Variants in TRPM3 observed in about 807,000 individuals in gnomAD.
TRPM3 encodes the protein long transient receptor potential channel 3.
A neutral mutation model predicts 181.2 loss-of-function variants in TRPM3; 77 were observed. The ratio of observed to expected loss-of-function variants is 0.42; its 90% CI spans 0.35 to 0.51. TRPM3 has a LOEUF of 0.51. TRPM3 is among the 20% of genes least tolerant of loss of function. TRPM3 has a pLI of 0.01. For synonymous variants in TRPM3, 745 were observed against 796.4 expected (o/e 0.94, Z 1.09); for missense variants, 1,759 against 2,196.7 (o/e 0.80, Z 3.98).
intron 1 of TRPM3, among the ~76,000 whole-genome samples, chr9:71,229,195 G>A (rs2080886365): frequency 6.6e-6 from 1 of 152,010 alleles, no homozygotes; most frequent in Admixed American, 6.6e-5. Flanking sequence ...TTTGACAAAG[G>A]TGCCAAATGC....
In TRPM3 at chr9:70,537,152, A is replaced by G. The variant is rs779647868; in HGVS notation, c.3961T>C (p.Phe1321Leu). The G allele has an allele frequency of 1.3e-6, 2 of 1,590,204 alleles. No homozygotes were observed. The highest frequency in any genetic ancestry group is 4.5e-5 in the East Asian group (2 of 44,260). The stretch of plus-strand genomic sequence containing the variant: ...GGGTCTATACTCTCTTGGAGCTTGA[A>G]GGTGTTCCCTTCCTGGCTGTTGAAG... ...SSFNSQEGNT[F>L]KLQESIDPAG... Residue 1321 changes from phenylalanine to leucine, a missense_variant, in exon 26 of 26, where the codon TTC becomes CTC. Around this residue, in one of 8 missense-constraint regions of TRPM3, gnomAD observed 612 missense variants for 590.0 expected, o/e 1.04. Coordinates refer to ENST00000677713, the MANE Select transcript of TRPM3 (RefSeq NM_001366145.2).
At chr9:71,170,000 CAAAAAAAAAAA>C (rs34087746) in intron 1 of TRPM3, among the ~76,000 whole-genome samples, 1 of 77,166 alleles carries the variant, frequency 1.3e-5, no homozygotes, top group African/African-American at 4.9e-5. Context: ...GACTCTGTCT[CAAAAAAAAAAA>C]AAAAAAAAAA....
chr9:71,170,938 G>A (rs1355040999), intron 1 of TRPM3, among the ~76,000 whole-genome samples: 1 of 152,148 alleles, frequency 6.6e-6, no homozygotes, highest in Non-Finnish European at 1.5e-5. Context: ...TCTTTCAAAA[G>A]CAAATGGGAG....
intron 21 of TRPM3, among the ~76,000 whole-genome samples, chr9:70,595,386 A>G (rs11142498): frequency 0.76 from 116,301 of 152,128 alleles, 44,733 homozygotes; most frequent in East Asian, 0.85. Context: ...GGAGATGTTT[A>G]GAGACTTTTT....
At chr9:70,682,383 A>G (rs1168217067) in intron 8 of TRPM3, among the ~76,000 whole-genome samples, 1 of 152,166 alleles carries the variant, frequency 6.6e-6, no homozygotes, top group Non-Finnish European at 1.5e-5. Context: ...ACAACTAAGC[A>G]ATCCAGTTCC....
intron 1 of TRPM3, among the ~76,000 whole-genome samples, chr9:70,916,621 T>C (rs1220364945): frequency 1.3e-5 from 2 of 152,166 alleles, no homozygotes; most frequent in African/African-American, 2.4e-5. Context: ...TTCTGGTCCA[T>C]TCATGTGTAT....
At chr9:71,060,260 T>C (rs969409943) in intron 1 of TRPM3, among the ~76,000 whole-genome samples, 1 of 152,038 alleles carries the variant, frequency 6.6e-6, no homozygotes, top group Non-Finnish European at 1.5e-5. Context: ...AGGGACTCCT[T>C]GACTGGGTGA....
At chr9:70,867,747 A>C (rs1187258799) in intron 1 of TRPM3, among the ~76,000 whole-genome samples, 1 of 152,124 alleles carries the variant, frequency 6.6e-6, no homozygotes, top group African/African-American at 2.4e-5. Flanking sequence ...ATGCATAATT[A>C]CTATATTGTG....
chr9:71,133,931 T>C (rs925524196), intron 1 of TRPM3, among the ~76,000 whole-genome samples: 18 of 152,018 alleles, frequency 1.2e-4, no homozygotes, highest in Non-Finnish European at 2.5e-4. Context: ...TCTTCTTCCT[T>C]ACTGGTCTCA....
intron 1 of TRPM3, among the ~76,000 whole-genome samples, chr9:71,300,377 C>T (rs1171425339): frequency 1.7e-4 from 26 of 152,046 alleles, no homozygotes; most frequent in Non-Finnish European, 1.3e-4. Context: ...TCCCTCCATT[C>T]AATTGTAAAA....
At chr9:71,437,811 T>C (rs1438559603) in intron 1 of TRPM3, among the ~76,000 whole-genome samples, 5 of 136,938 alleles carry the variant, frequency 3.7e-5, no homozygotes, top group Non-Finnish European at 7.6e-5. Flanking sequence ...GGGGTTGCAG[T>C]GAGCAGAGAT....
At chr9:70,866,711 T>C (rs2095657407) in intron 1 of TRPM3, among the ~76,000 whole-genome samples, 1 of 152,038 alleles carries the variant, frequency 6.6e-6, no homozygotes, top group African/African-American at 2.4e-5. Flanking sequence ...GGAAGCTTAT[T>C]TAACATTTTG....
At chr9:71,351,870 G>GTTTGTTTT (rs2091646627) in intron 1 of TRPM3, among the ~76,000 whole-genome samples, 2 of 95,660 alleles carry the variant, frequency 2.1e-5, no homozygotes, top group African/African-American at 4.0e-5. Context: ...TTGTTTGTTT[G>GTTTGTTTT]TTTTTGTTTT....
intron 7 of TRPM3, among the ~76,000 whole-genome samples, chr9:70,779,367 G>A (rs557045539): frequency 3.3e-5 from 5 of 152,210 alleles, no homozygotes; most frequent in African/African-American, 1.2e-4. Context: ...GATTATCTCT[G>A]GAATGAAGAT....
At chr9:70,833,649 C>G (rs936500806) in intron 5 of TRPM3, among the ~76,000 whole-genome samples, 2 of 152,142 alleles carry the variant, frequency 1.3e-5, no homozygotes, top group African/African-American at 4.8e-5. Flanking sequence ...AGAGGGAAGG[C>G]AGAGGACCCA....
rs1044294772 is a variant in TRPM3, at chr9:71,023,138, C to A, written c.177+98040G>T. ...AGAATACATAAAGAACTCTCAAAAC[C>A]CCCAAGTAAAAAAATAAACAATTCA... On this transcript the variant is annotated intron_variant, in intron 1 of 25. Coordinates refer to ENST00000677713, the MANE Select transcript of TRPM3 (RefSeq NM_001366145.2). Among the ~76,000 whole-genome samples, 3 of 152,042 alleles carry A rather than the reference C, an allele frequency of 2.0e-5. No individual in the cohort carries two copies. In the South Asian group the frequency reaches 6.2e-4, roughly 32 times the overall value.
chr9:71,099,479 A>G (rs540248362), intron 1 of TRPM3, among the ~76,000 whole-genome samples: 2 of 152,178 alleles, frequency 1.3e-5, no homozygotes, highest in East Asian at 3.9e-4. Context: ...ATTATATTTA[A>G]CTCATAATCC....
At chr9:70,841,337 G>A (rs2094609880) in intron 5 of TRPM3, among the ~76,000 whole-genome samples, 1 of 151,888 alleles carries the variant, frequency 6.6e-6, no homozygotes, top group Admixed American at 6.6e-5. Context: ...TTTTAATTAA[G>A]AGAATATTAA....
intron 1 of TRPM3, among the ~76,000 whole-genome samples, chr9:70,872,168 A>G (rs902622902): frequency 1.3e-5 from 2 of 151,972 alleles, no homozygotes; most frequent in Non-Finnish European, 2.9e-5. Context: ...CTCTGCAGTA[A>G]TATTCAACTC....
Sources: allele counts gnomAD v4.1 joint callset (sites outside exome capture counted in the v4.1 genomes callset), GRCh38; gene constraint gnomAD v4.1.1; regional missense constraint gnomAD v4.1.1; transcripts MANE v1.5; gene names NCBI Gene and HGNC (gene_info 2026-07-23, HGNC 2026-07-21).